Variants in SMARCA5 observed in about 807,000 individuals in gnomAD.
The protein encoded by SMARCA5 is SNF2 related chromatin remodeling ATPase 5.
SMARCA5 carries 18 observed loss-of-function variants against 140.4 expected under a neutral mutation model. That is an observed-to-expected ratio of 0.13 (90% CI 0.09 to 0.19). The LOEUF (loss-of-function observed/expected upper bound fraction) is 0.19. Among genes scored for constraint, SMARCA5 ranks in the 10% least tolerant of loss-of-function variants. The probability of loss-of-function intolerance (pLI) is 1.00; values close to 1 mark genes in which losing one functional copy is unlikely to be tolerated. For missense variants in SMARCA5, 606 were observed against 1,276.8 expected (o/e 0.47, Z 8.01); for synonymous variants, 449 against 419.6 (o/e 1.07, Z -0.86).
intron 10 of SMARCA5, 30 bp from the exon 11 acceptor site, chr4:143,536,422 G>A: frequency 2.8e-6 from 4 of 1,454,110 alleles, no homozygotes; most frequent in Non-Finnish European, 3.9e-6. Flanking sequence ...GAACATTTGA[G>A]CTCTAAAAAT....
intron 5 of SMARCA5, among the ~76,000 whole-genome samples, chr4:143,525,843 T>C (rs983707984): frequency 6.6e-6 from 1 of 152,256 alleles, no homozygotes; most frequent in Non-Finnish European, 1.5e-5. Context: ...GTGAGGTCAT[T>C]AATTGTTTAT....
At position 143,536,551 on chromosome 4, in the gene SMARCA5, T is replaced by C. The variant is rs147794986; in HGVS notation, c.1368T>C (p.Cys456=). 13 of 1,613,774 alleles carry C rather than the reference T, an allele frequency of 8.1e-6. No homozygotes were observed. The African/African-American group carries it at 1.7e-4, about 22-fold the overall frequency. Residue 456 remains cysteine (C), a synonymous_variant, in exon 11 of 24, where the codon TGT becomes TGC. Transcript: ENST00000283131. The part of the protein sequence containing the change: ...LLNILMQLRK[C]CNHPYLFDGA... ...ACATCCTAATGCAGTTGAGAAAATG[T>C]TGTAATCATCCATATCTCTTTGATG...
intron 1 of SMARCA5, among the ~76,000 whole-genome samples, chr4:143,515,205 G>T (rs955559198): frequency 2.6e-5 from 4 of 152,264 alleles, no homozygotes; most frequent in African/African-American, 9.6e-5. Flanking sequence ...ATTTACCATT[G>T]AGGCTTTTGG....
chr4:143,539,974 T>C (rs1033874996), intron 13 of SMARCA5, among the ~76,000 whole-genome samples: 1 of 152,230 alleles, frequency 6.6e-6, no homozygotes, highest in Non-Finnish European at 1.5e-5. Flanking sequence ...TGACTACTTG[T>C]ATATAGTTAA....
intron 1 of SMARCA5, chr4:143,514,434 C>A (rs1736779539): frequency 3.8e-6 from 1 of 261,342 alleles, no homozygotes; most frequent in African/African-American, 2.2e-5. Context: ...TCCCATAATT[C>A]CCTCTCCTAC....
At chr4:143,525,627 A>G in intron 5 of SMARCA5, 76 bp downstream of exon 5, 1 of 999,436 alleles carries the variant, frequency 1.0e-6, no homozygotes, top group Non-Finnish European at 1.6e-6. Flanking sequence ...AGTTTCTTAC[A>G]GTCTACAACT....
At chr4:143,533,192 TTGAG>T (rs1324254078) in intron 9 of SMARCA5, among the ~76,000 whole-genome samples, 2 of 152,200 alleles carry the variant, frequency 1.3e-5, no homozygotes, top group African/African-American at 2.4e-5. Context: ...TGGGTGCATA[TTGAG>T]TGAGTCCATG....
chr4:143,524,335 C>G (rs1369065944), intron 3 of SMARCA5, 32 bp from the exon 4 acceptor site: 3 of 1,486,088 alleles, frequency 2.0e-6, no homozygotes, highest in African/African-American at 2.8e-5. Flanking sequence ...AGCCAAAACT[C>G]AAATCAGGTT....
chr4:143,538,514 T>G, intron 11 of SMARCA5, 76 bp from the exon 12 acceptor site: 1 of 1,134,626 alleles, frequency 8.8e-7, no homozygotes, highest in East Asian at 2.4e-5. Flanking sequence ...GATAATTGAT[T>G]AGTCTTAGTT....
At chr4:143,544,944 T>A in intron 17 of SMARCA5, 97 bp downstream of exon 17, 1 of 561,690 alleles carries the variant, frequency 1.8e-6, no homozygotes, top group East Asian at 3.2e-5. Context: ...AGATTTTGTG[T>A]TTCTTTTTTT....
intron 22 of SMARCA5, among the ~76,000 whole-genome samples, chr4:143,549,350 C>T (rs1737595605): frequency 6.6e-6 from 1 of 151,950 alleles, no homozygotes; most frequent in African/African-American, 2.4e-5. Flanking sequence ...TAATTTTGCT[C>T]TATAAGAAAG....
chr4:143,535,878 C>G (rs889186879), intron 10 of SMARCA5, among the ~76,000 whole-genome samples: 1 of 152,116 alleles, frequency 6.6e-6, no homozygotes, highest in Non-Finnish European at 1.5e-5. Flanking sequence ...CTGGCCTTAG[C>G]TTATGGCTGT....
intron 7 of SMARCA5, 57 bp downstream of exon 7, chr4:143,528,080 A>ATT: frequency 7.3e-7 from 1 of 1,369,534 alleles, no homozygotes; most frequent in Admixed American, 2.7e-5. Context: ...TAAAGTACAG[A>ATT]TTTTTTTTTC....
In SMARCA5 at chr4:143,538,828, G is replaced by A. The variant is rs756062246; in HGVS notation, c.1660G>A (p.Val554Ile). 6.2e-7 allele frequency: 1 copy of A among 1,614,056 alleles called. No homozygotes were observed. The highest frequency in any genetic ancestry group is 2.2e-5 in the East Asian group (1 of 44,860). Residue 554 changes from valine (V) to isoleucine (I), a missense_variant, in exon 13 of 24, where the codon GTT (valine) becomes ATT (isoleucine). Coordinates refer to ENST00000283131, the MANE Select transcript of SMARCA5 (RefSeq NM_003601.4). ...CAATGAACCAAACAGCACAAAGTTTGTTTTCATGTTAAGCACGCGTGCTGG... is the reference window on the plus strand; with the variant it reads ...CAATGAACCAAACAGCACAAAGTTTATTTTCATGTTAAGCACGCGTGCTGG... ...AYNEPNSTKFVFMLSTRAGGL... is the reference protein window; with the variant it reads ...AYNEPNSTKFIFMLSTRAGGL...
Position 143,555,239 on chromosome 4 carries a change from C to A in SMARCA5, c.*2055C>A, listed in dbSNP as rs1028753404. 2.3e-6 allele frequency: 2 copies of A among 855,484 alleles called. No individual in the cohort carries two copies. The highest frequency in any genetic ancestry group is 3.3e-5 in the African/African-American group (2 of 60,678). The allele number at this position is 855,484 out of a possible 1,614,324, so 53.0% of individuals were successfully genotyped here. On this transcript the variant is annotated 3_prime_UTR_variant, in exon 24 of 24. Transcript: ENST00000283131. ...AGAGCTTCTGCCTCCAAAGTTTCCT[C>A]CCTTCATGGGTCCAAAATTTGAAGA... is the stretch of plus-strand genomic sequence containing the variant.
chr4:143,533,959 C>G (rs1737251232), intron 9 of SMARCA5, among the ~76,000 whole-genome samples: 1 of 152,152 alleles, frequency 6.6e-6, no homozygotes, highest in Admixed American at 6.5e-5. Flanking sequence ...TTCACAGATA[C>G]TGCATTTTTA....
intron 1 of SMARCA5, among the ~76,000 whole-genome samples, chr4:143,516,469 G>A (rs1166970355): frequency 6.6e-6 from 1 of 152,020 alleles, no homozygotes; most frequent in Non-Finnish European, 1.5e-5. Flanking sequence ...GCATTTCATG[G>A]CATTTTGGAA....
chr4:143,539,601 G>T (rs1737388230), intron 13 of SMARCA5, among the ~76,000 whole-genome samples: 2 of 150,080 alleles, frequency 1.3e-5, no homozygotes, highest in African/African-American at 2.5e-5. Context: ...CAATGGTGCA[G>T]TCTTGGCTCA....
At chr4:143,528,752 T>A in intron 8 of SMARCA5, 38 bp downstream of exon 8, 1 of 1,590,844 alleles carries the variant, frequency 6.3e-7, no homozygotes, top group Non-Finnish European at 8.6e-7. Context: ...AATAATAATA[T>A]TTTGCTTAAT....
Sources: gnomAD v4.1 joint callset for allele counts (sites outside exome capture counted in the v4.1 genomes callset) on GRCh38, gnomAD v4.1.1 for gene constraint, MANE v1.5 for transcripts, NCBI Gene and HGNC (gene_info 2026-07-23, HGNC 2026-07-21) for gene names.